The following GPHN variants were observed in gnomAD, a reference collection of about 807,000 sequenced individuals.
The protein encoded by GPHN is gephyrin.
Under a neutral mutation model 95.5 loss-of-function variants are expected in GPHN, and 17 were observed. The observed-to-expected ratio is 0.18, with a 90% CI of 0.12 to 0.27. The LOEUF is 0.27. Among genes scored for constraint, GPHN ranks in the 10% least tolerant of loss-of-function variants. The pLI, the probability that GPHN is intolerant of heterozygous loss-of-function variation, is 1.00. For synonymous variants in GPHN, 320 were observed against 322.5 expected (o/e 0.99, Z 0.08); for missense variants, 660 against 978.1 (o/e 0.67, Z 4.34).
At chr14:67,258,231 C>T in the GPHN span, among the ~76,000 whole-genome samples, 1 of 152,032 alleles carries the variant, frequency 6.6e-6, no homozygotes, top group Non-Finnish European at 1.5e-5. Flanking sequence ...ATAAGGTACT[C>T]ATCCATAAAA....
the GPHN span, among the ~76,000 whole-genome samples, chr14:67,574,994 C>T: frequency 1.3e-5 from 2 of 152,208 alleles, no homozygotes; most frequent in African/African-American, 2.4e-5. The surrounding 1 kb of genome is among the most constrained non-coding windows in gnomAD (Gnocchi z 4.2). Flanking sequence ...CATTCTCCTT[C>T]GCCCGTGTGC....
At chr14:67,519,054 C>A in the GPHN span, among the ~76,000 whole-genome samples, 1 of 152,074 alleles carries the variant, frequency 6.6e-6, no homozygotes, top group Non-Finnish European at 1.5e-5. Context: ...TAGGAAAGAA[C>A]TGGGGGATGG....
intron 9 of GPHN, among the ~76,000 whole-genome samples, chr14:66,978,012 G>A (rs923533433): frequency 6.6e-6 from 1 of 152,250 alleles, no homozygotes; most frequent in African/African-American, 2.4e-5. Flanking sequence ...CGGTATCCCA[G>A]TACCTGTAAA....
At chr14:66,734,371 C>G (rs1047047734) in intron 2 of GPHN, among the ~76,000 whole-genome samples, 1 of 152,078 alleles carries the variant, frequency 6.6e-6, no homozygotes, top group African/African-American at 2.4e-5. Context: ...AAGAATAAAC[C>G]AAGCTCCATA....
the GPHN span, among the ~76,000 whole-genome samples, chr14:67,421,495 C>A: frequency 5.2e-4 from 79 of 152,250 alleles, no homozygotes; most frequent in African/African-American, 1.8e-3. Flanking sequence ...CCACCAGACA[C>A]CCAGGCCAGG....
Position 66,651,375 on chromosome 14 carries a change from T to C in GPHN, c.65-29732T>C, listed in dbSNP as rs142473642. On this transcript the variant is annotated intron_variant, in intron 1 of 22. Coordinates refer to ENST00000478722, the MANE Select transcript of GPHN (RefSeq NM_020806.5). Reference sequence around the variant, plus strand: ...TGGGGGTGATGAAGGAACATTGGGATTTCTGACATGTTTCAAGCATTAGCA... The same window carrying C: ...TGGGGGTGATGAAGGAACATTGGGACTTCTGACATGTTTCAAGCATTAGCA... Among the ~76,000 whole-genome samples the C allele has an allele frequency of 3.3e-5, 5 of 152,226 alleles. No homozygotes were observed. The East Asian group carries it at 9.7e-4, about 29-fold the overall frequency.
chr14:67,387,464 GA>G, the GPHN span: 2 of 1,590,780 alleles, frequency 1.3e-6, no homozygotes, highest in Non-Finnish European at 1.7e-6. Flanking sequence ...CCCCTAGGCA[GA>G]AAAAAGGGGG....
the GPHN span, among the ~76,000 whole-genome samples, chr14:67,537,382 A>T: frequency 0.45 from 42,120 of 93,286 alleles, 6,794 homozygotes; most frequent in Non-Finnish European, 0.53. Flanking sequence ...ATAATAATAA[A>T]AACTTAATCT....
the GPHN span, among the ~76,000 whole-genome samples, chr14:67,550,173 T>A: frequency 7.2e-5 from 8 of 111,366 alleles, no homozygotes; most frequent in South Asian, 1.4e-3. Context: ...AAAAAAAAAA[T>A]TGAAAACCAT....
the GPHN span, among the ~76,000 whole-genome samples, chr14:67,427,981 G>T: frequency 1.3e-5 from 2 of 151,342 alleles, no homozygotes; most frequent in Non-Finnish European, 2.9e-5. Context: ...GAGTACAGTG[G>T]CACGATTCTG....
At chr14:66,838,607 A>C (rs905856912) in intron 4 of GPHN, among the ~76,000 whole-genome samples, 1 of 152,154 alleles carries the variant, frequency 6.6e-6, no homozygotes, top group East Asian at 1.9e-4. Context: ...TAAGAAATTA[A>C]CAACAAAATA....
the GPHN span, among the ~76,000 whole-genome samples, chr14:67,645,155 A>T: frequency 2.0e-5 from 3 of 151,826 alleles, no homozygotes; most frequent in Admixed American, 2.0e-4. Context: ...TTACCTATAG[A>T]CTGTACCATT....
the GPHN span, chr14:67,279,130 A>C: frequency 2.0e-6 from 3 of 1,499,878 alleles, no homozygotes; most frequent in Non-Finnish European, 2.7e-6. Context: ...TTATAGGAAA[A>C]ATTGATTTAT....
At chr14:66,977,492 T>C (rs1412672250) in intron 9 of GPHN, among the ~76,000 whole-genome samples, 3 of 152,140 alleles carry the variant, frequency 2.0e-5, no homozygotes, top group Admixed American at 6.5e-5. Context: ...CAAAATAAAT[T>C]ATTAAAGAGG....
intron 3 of GPHN, among the ~76,000 whole-genome samples, chr14:66,822,105 C>T (rs2061216980): frequency 6.6e-6 from 1 of 152,258 alleles, no homozygotes; most frequent in African/African-American, 2.4e-5. Context: ...GCACCCACCA[C>T]CGTGCCCGGC....
At chr14:66,700,932 T>C (rs915347737) in intron 2 of GPHN, among the ~76,000 whole-genome samples, 5 of 149,498 alleles carry the variant, frequency 3.3e-5, no homozygotes, top group African/African-American at 1.3e-4. Context: ...AAAAAAAAAC[T>C]ATATTATTTC....
the GPHN span, chr14:67,203,276 G>A: frequency 3.1e-6 from 5 of 1,592,220 alleles, no homozygotes; most frequent in Non-Finnish European, 3.4e-6. Flanking sequence ...CTCCTGCAGA[G>A]AAACTAGTGC....
the GPHN span, among the ~76,000 whole-genome samples, chr14:67,556,632 G>A: frequency 1.3e-5 from 2 of 152,138 alleles, no homozygotes; most frequent in African/African-American, 4.8e-5. Context: ...ATGCACCTAT[G>A]GTCCCAGCTA....
At chr14:66,783,421 C>G (rs984527484) in intron 3 of GPHN, among the ~76,000 whole-genome samples, 1 of 152,118 alleles carries the variant, frequency 6.6e-6, no homozygotes, top group Non-Finnish European at 1.5e-5. Flanking sequence ...ACAAGCTGTG[C>G]TCCAGTTTTC....
Sources: allele counts gnomAD v4.1 joint callset (sites outside exome capture counted in the v4.1 genomes callset), GRCh38; gene constraint gnomAD v4.1.1; non-coding constraint Gnocchi (gnomAD v3.1); transcripts MANE v1.5; gene names NCBI Gene and HGNC (gene_info 2026-07-23, HGNC 2026-07-21).